The following RAB43 variants were observed in gnomAD, a reference collection of about 807,000 sequenced individuals.
The protein encoded by RAB43 is ras-related protein Rab-43.
In RAB43, 6 loss-of-function variants were observed where a neutral mutation model predicts 18.8. The ratio of observed to expected loss-of-function variants is 0.32; its 90% CI spans 0.17 to 0.63. RAB43 has a LOEUF of 0.63. RAB43 is among the 30% of genes least tolerant of loss of function. RAB43 has a pLI of 0.79. For synonymous variants in RAB43, 103 were observed against 124.1 expected (o/e 0.83, Z 1.13); for missense variants, 195 against 289.1 (o/e 0.67, Z 2.36).
intron 1 of RAB43, among the ~76,000 whole-genome samples, chr3:129,118,422 C>T (rs1453704176): frequency 6.6e-6 from 1 of 152,160 alleles, no homozygotes; most frequent in Non-Finnish European, 1.5e-5. Flanking sequence ...CAACCTACAA[C>T]TAGATAAAGG....
chr3:129,108,150 A>G (rs188558354), intron 1 of RAB43, among the ~76,000 whole-genome samples: 39 of 152,278 alleles, frequency 2.6e-4, no homozygotes, highest in African/African-American at 9.4e-4. Flanking sequence ...CTTCCCTAGG[A>G]ATCTCTCATG....
chr3:129,112,293 C>G (rs890000382), intron 1 of RAB43, among the ~76,000 whole-genome samples: 1 of 150,758 alleles, frequency 6.6e-6, no homozygotes, highest in Non-Finnish European at 1.5e-5. Flanking sequence ...GAATAAAAAA[C>G]CCCCAAAATC....
At chr3:129,106,752 C>A (rs1934812353) in intron 1 of RAB43, among the ~76,000 whole-genome samples, 1 of 152,148 alleles carries the variant, frequency 6.6e-6, no homozygotes, top group East Asian at 1.9e-4. Context: ...CCAGGACAGA[C>A]TCTCATGCCC....
At chr3:129,105,240 G>GC (rs1456078383) in intron 1 of RAB43, among the ~76,000 whole-genome samples, 1 of 152,182 alleles carries the variant, frequency 6.6e-6, no homozygotes, top group Admixed American at 6.5e-5. Context: ...ATTACCTCAG[G>GC]CCAGCAGTTC....
At chr3:129,105,941 A>G (rs951696945) in intron 1 of RAB43, among the ~76,000 whole-genome samples, 1 of 152,148 alleles carries the variant, frequency 6.6e-6, no homozygotes, top group African/African-American at 2.4e-5. Context: ...TCCTCTTGGC[A>G]CCATCAATAC....
intron 1 of RAB43, among the ~76,000 whole-genome samples, chr3:129,110,428 G>A (rs1019402375): frequency 1.3e-5 from 2 of 152,194 alleles, no homozygotes; most frequent in African/African-American, 2.4e-5. Context: ...GCCCAGCAGC[G>A]CTGAGTGCCT....
Position 129,100,952 on chromosome 3 carries a change from G to A in RAB43, c.205-5783C>T, listed in dbSNP as rs367773509. 1.5e-3 allele frequency among the ~76,000 whole-genome samples: 223 copies of A among 152,286 alleles called. 1 individual carries two copies. The highest frequency in any genetic ancestry group is 6.8e-3 in the Middle Eastern group (2 of 294). ...CTCCCGAGTAGCTGGGATTACAGGC[G>A]TGTGCCACCACACCCAGCTAATTTT... is the stretch of plus-strand genomic sequence containing the variant. On this transcript the variant is annotated intron_variant, in intron 1 of 2. Transcript: ENST00000315150.
At position 129,102,706 on chromosome 3, in the gene RAB43, G is replaced by A. The variant is rs530785836; in HGVS notation, c.205-7537C>T. Among the ~76,000 whole-genome samples the A allele has an allele frequency of 3.3e-5, 5 of 151,396 alleles. No homozygotes were observed. In the South Asian group the frequency reaches 1.0e-3, roughly 32 times the overall value. On this transcript the variant is annotated intron_variant, in intron 1 of 2. Transcript: ENST00000315150. ...ATCACAGAGAGGAATTAGTGTAACAGGCAGCTTGATCACTTCACCCATGCC... is the reference window on the plus strand; with the variant it reads ...ATCACAGAGAGGAATTAGTGTAACAAGCAGCTTGATCACTTCACCCATGCC...
intron 1 of RAB43, 88 bp downstream of exon 1, chr3:129,121,198 G>A (rs1292440340): frequency 1.7e-6 from 2 of 1,195,142 alleles, no homozygotes; most frequent in Admixed American, 5.0e-5. Context: ...AGATGGACGC[G>A]GGGTGCGCTC....
intron 1 of RAB43, among the ~76,000 whole-genome samples, chr3:129,099,679 C>T (rs1934298792): frequency 6.6e-6 from 1 of 152,194 alleles, no homozygotes; most frequent in Non-Finnish European, 1.5e-5. Flanking sequence ...AGCCACTGCG[C>T]CCAGCCTAAA....
intron 1 of RAB43, 120 bp downstream of exon 1, chr3:129,121,166 A>T: frequency 1.3e-6 from 1 of 754,044 alleles, no homozygotes; most frequent in Non-Finnish European, 1.9e-6. Flanking sequence ...GGAAGGAAAA[A>T]GGGGAAGCCA....
rs890574132 is a variant in RAB43 at position 129,095,378 on chromosome 3, G to A, written c.205-209C>T. ...GCAGCCCCTGTCCTGGCCCTCTAGG[G>A]TCCCCAGGGAAAGATGGAGGAAGGG... On this transcript the variant is annotated intron_variant, in intron 1 of 2. Coordinates refer to ENST00000315150, the MANE Select transcript of RAB43 (RefSeq NM_198490.3). This position sits in a 1 kb window ranked among gnomAD's most constrained non-coding sequence, Gnocchi z 4.2. Among the ~76,000 whole-genome samples the A allele has an allele frequency of 2.0e-5, 3 of 152,126 alleles. No individual in the cohort carries two copies. The highest frequency in any genetic ancestry group is 2.9e-5 in the Non-Finnish European group (2 of 68,012).
At chr3:129,103,635 G>A (rs1303050904) in intron 1 of RAB43, among the ~76,000 whole-genome samples, 3 of 151,486 alleles carry the variant, frequency 2.0e-5, no homozygotes, top group Non-Finnish European at 2.9e-5. Flanking sequence ...CACGATCTCT[G>A]CTCGCTGCAA....
intron 1 of RAB43, among the ~76,000 whole-genome samples, chr3:129,098,701 G>A (rs963580238): frequency 6.6e-6 from 1 of 152,036 alleles, no homozygotes; most frequent in African/African-American, 2.4e-5. Context: ...CATAATGAGT[G>A]GACGAATAGG....
intron 2 of RAB43, chr3:129,092,560 A>C: frequency 1.4e-6 from 1 of 695,428 alleles, no homozygotes; most frequent in South Asian, 1.5e-5. Flanking sequence ...CAGGAGTTCA[A>C]GATCAGCCTG....
At chr3:129,111,140 C>A (rs566487183) in intron 1 of RAB43, among the ~76,000 whole-genome samples, 2 of 152,206 alleles carry the variant, frequency 1.3e-5, no homozygotes, top group South Asian at 4.1e-4. Flanking sequence ...ATGCATTTCT[C>A]CCTCCGTGTG....
At chr3:129,101,334 G>A (rs187714409) in intron 1 of RAB43, among the ~76,000 whole-genome samples, 81 of 152,276 alleles carry the variant, frequency 5.3e-4, no homozygotes, top group African/African-American at 1.9e-3. Context: ...TACATGAGTC[G>A]TTCATTTTTC....
Position 129,107,747 on chromosome 3 carries a change from A to T in RAB43, c.205-12578T>A, listed in dbSNP as rs1384139659. On this transcript the variant is annotated intron_variant, in intron 1 of 2. Coordinates refer to ENST00000315150, the MANE Select transcript of RAB43 (RefSeq NM_198490.3). The surrounding 1 kb of genome is among the most constrained non-coding windows in gnomAD (Gnocchi z 4.2). ...CCAAATTCCTCCGCTGCAAGGGCCC[A>T]GGCACAAGGGATTCAGATGTCCTAT... 6.6e-6 allele frequency among the ~76,000 whole-genome samples: 1 copy of T among 152,150 alleles called. No homozygotes were observed. The highest frequency in any genetic ancestry group is 1.9e-4 in the East Asian group (1 of 5,180).
At chr3:129,119,277 C>T (rs866826538) in intron 1 of RAB43, among the ~76,000 whole-genome samples, 2 of 152,208 alleles carry the variant, frequency 1.3e-5, no homozygotes, top group Middle Eastern at 3.2e-3. Flanking sequence ...CTCAAGTTCA[C>T]GGCTGCCCAG....
Sources: allele counts gnomAD v4.1 joint callset (sites outside exome capture counted in the v4.1 genomes callset), GRCh38; gene constraint gnomAD v4.1.1; non-coding constraint Gnocchi (gnomAD v3.1); transcripts MANE v1.5; gene names NCBI Gene and HGNC (gene_info 2026-07-23, HGNC 2026-07-21).